The following PRKG1 variants were observed in gnomAD, a reference collection of about 807,000 sequenced individuals.
PRKG1 encodes the protein protein kinase cGMP-dependent 1.
In PRKG1, 35 loss-of-function variants were observed where a neutral mutation model predicts 88.1. The observed-to-expected ratio is 0.40, with a 90% CI of 0.30 to 0.53. PRKG1 has a LOEUF of 0.53. Among genes scored for constraint, PRKG1 ranks in the 20% least tolerant of loss-of-function variants. The pLI, the probability that PRKG1 is intolerant of heterozygous loss-of-function variation, is 0.59. For synonymous variants in PRKG1, 303 were observed against 292.5 expected (o/e 1.04, Z -0.37); for missense variants, 540 against 839.8 (o/e 0.64, Z 4.41).
chr10:51,211,757 G>A (rs371686355), intron 2 of PRKG1, among the ~76,000 whole-genome samples: 3,072 of 151,974 alleles, frequency 0.02, 48 homozygotes, highest in Middle Eastern at 0.051. Context: ...TCCAACTTAC[G>A]AGGGATGTGA....
chr10:52,148,816 G>A (rs1219055027), intron 8 of PRKG1, among the ~76,000 whole-genome samples: 5 of 152,044 alleles, frequency 3.3e-5, no homozygotes, highest in Admixed American at 1.3e-4. Context: ...TAACTTTGAG[G>A]GAAAAGTTGT....
intron 2 of PRKG1, among the ~76,000 whole-genome samples, chr10:51,435,245 T>G (rs1838888262): frequency 6.6e-6 from 1 of 151,986 alleles, no homozygotes; most frequent in East Asian, 1.9e-4. Flanking sequence ...ATTATGTGTT[T>G]GCTTGTTTGT....
intron 5 of PRKG1, among the ~76,000 whole-genome samples, chr10:51,942,962 G>A (rs1166679098): frequency 6.6e-6 from 1 of 151,740 alleles, no homozygotes; most frequent in Non-Finnish European, 1.5e-5. Flanking sequence ...ATATGAATTT[G>A]AAAGTAGTTT....
intron 3 of PRKG1, among the ~76,000 whole-genome samples, chr10:51,627,716 T>TAA (rs1370467744): frequency 2.6e-5 from 4 of 152,284 alleles, no homozygotes; most frequent in African/African-American, 7.2e-5. Flanking sequence ...AAAATGGGGA[T>TAA]AATAATAGTA....
chr10:51,488,406 A>G (rs888722506), intron 3 of PRKG1, among the ~76,000 whole-genome samples: 10 of 152,186 alleles, frequency 6.6e-5, no homozygotes, highest in African/African-American at 2.4e-4. Flanking sequence ...AAGACATTTT[A>G]ATAAAAGGTT....
In PRKG1 at chr10:51,942,078, A is replaced by C. The variant is rs571103165; in HGVS notation, c.762+34508A>C. On this transcript the variant is annotated intron_variant, in intron 5 of 17. Transcript: ENST00000373980. ...TTTACAGTCCCACCAACAGTGTAAAAGTGTTCCTATTTCTCCACAACCTCT... is the reference window on the plus strand; with the variant it reads ...TTTACAGTCCCACCAACAGTGTAAACGTGTTCCTATTTCTCCACAACCTCT... Among the ~76,000 whole-genome samples, 7 of 152,046 alleles carry C rather than the reference A, an allele frequency of 4.6e-5. No homozygotes were observed. The South Asian group carries it at 1.5e-3, about 32-fold the overall frequency.
At chr10:52,282,062 T>C (rs1313892814) in intron 13 of PRKG1, 91 bp from the exon 14 acceptor site, 2 of 1,234,336 alleles carry the variant, frequency 1.6e-6, no homozygotes, top group South Asian at 1.9e-5. Flanking sequence ...GTTTTTAAAT[T>C]ATTATCATCA....
At chr10:51,008,506 C>T (rs977125248) in intron 1 of PRKG1, among the ~76,000 whole-genome samples, 1 of 152,146 alleles carries the variant, frequency 6.6e-6, no homozygotes, top group Non-Finnish European at 1.5e-5. Flanking sequence ...CTGGTGGTTG[C>T]TGGCAACCTT....
chr10:51,253,414 C>T (rs1839475479), intron 2 of PRKG1, among the ~76,000 whole-genome samples: 1 of 151,846 alleles, frequency 6.6e-6, no homozygotes, highest in Non-Finnish European at 1.5e-5. Flanking sequence ...AGTTTCCCTT[C>T]CCTGGCTTAA....
At chr10:51,074,982 C>A (rs1843909642) in intron 1 of PRKG1, 81 bp downstream of exon 1, 6 of 1,453,560 alleles carry the variant, frequency 4.1e-6, no homozygotes, top group Non-Finnish European at 3.7e-6. Context: ...TGTCGGCCCC[C>A]GCCCCTCCCG....
intron 3 of PRKG1, among the ~76,000 whole-genome samples, chr10:51,487,098 G>A (rs764152811): frequency 3.9e-5 from 6 of 152,156 alleles, no homozygotes; most frequent in Admixed American, 2.0e-4. Flanking sequence ...AAAGCAAAGT[G>A]TAGAGTTAAA....
intron 3 of PRKG1, among the ~76,000 whole-genome samples, chr10:51,782,716 A>G (rs952572615): frequency 6.6e-6 from 1 of 152,064 alleles, no homozygotes; most frequent in Non-Finnish European, 1.5e-5. Context: ...TTATGGTTTT[A>G]TCAGGGGTTT....
At chr10:51,688,514 T>C (rs1461630566) in intron 3 of PRKG1, among the ~76,000 whole-genome samples, 2 of 150,518 alleles carry the variant, frequency 1.3e-5, no homozygotes, top group Non-Finnish European at 2.9e-5. Context: ...AAAATTTCTG[T>C]GAGGAAATTA....
At chr10:52,222,026 A>G (rs1002802210) in intron 9 of PRKG1, among the ~76,000 whole-genome samples, 3 of 152,152 alleles carry the variant, frequency 2.0e-5, no homozygotes, top group Non-Finnish European at 4.4e-5. Flanking sequence ...GTAAGGGTGG[A>G]GATGAGTGTA....
intron 7 of PRKG1, among the ~76,000 whole-genome samples, chr10:52,068,113 G>A (rs1456017390): frequency 8.5e-6 from 1 of 117,518 alleles, no homozygotes; most frequent in African/African-American, 2.7e-5. Flanking sequence ...TGAGGCAGGA[G>A]AATGGCGTGA....
At chr10:52,105,945 G>A (rs1417110531) in intron 7 of PRKG1, among the ~76,000 whole-genome samples, 1 of 150,502 alleles carries the variant, frequency 6.6e-6, no homozygotes, top group Admixed American at 6.6e-5. Context: ...TGTACCAAAT[G>A]TGTAGTCTTT....
At chr10:51,885,469 G>A (rs189313802) in intron 4 of PRKG1, among the ~76,000 whole-genome samples, 12 of 152,344 alleles carry the variant, frequency 7.9e-5, no homozygotes, top group African/African-American at 2.6e-4. Flanking sequence ...CATTTTGCAA[G>A]CCTGTTACAT....
chr10:52,159,806 A>G (rs1020378175), intron 8 of PRKG1, among the ~76,000 whole-genome samples: 1 of 151,904 alleles, frequency 6.6e-6, no homozygotes, highest in African/African-American at 2.4e-5. Context: ...CAGAATTACT[A>G]TGAGTTTTAA....
At chr10:51,995,299 T>TA (rs1436279346) in intron 5 of PRKG1, among the ~76,000 whole-genome samples, 1 of 152,156 alleles carries the variant, frequency 6.6e-6, no homozygotes, top group Non-Finnish European at 1.5e-5. Flanking sequence ...GAATGAGTCT[T>TA]AAACAGGAGC....
Sources: gnomAD v4.1 joint callset for allele counts (sites outside exome capture counted in the v4.1 genomes callset) on GRCh38, gnomAD v4.1.1 for gene constraint, MANE v1.5 for transcripts, NCBI Gene and HGNC (gene_info 2026-07-23, HGNC 2026-07-21) for gene names.